Variants in PTPRD observed in about 807,000 individuals in gnomAD.
PTPRD encodes the protein protein tyrosine phosphatase receptor type D, also known as receptor-type tyrosine-protein phosphatase delta.
In PTPRD, 34 loss-of-function variants were observed where a neutral mutation model predicts 214.5. The observed-to-expected ratio is 0.16, with a 90% CI of 0.12 to 0.21. PTPRD has a LOEUF of 0.21. PTPRD is among the 10% of genes least tolerant of loss of function. PTPRD has a pLI of 1.00. For synonymous variants in PTPRD, 1,128 were observed against 845.7 expected, an observed-to-expected ratio of 1.33 and a Z score of -5.79; for missense variants, 2,545 against 2,398.7, an observed-to-expected ratio of 1.06 and a Z score of -1.27.
intron 7 of PTPRD, among the ~76,000 whole-genome samples, chr9:9,576,513 CA>C (rs953653702): frequency 6.6e-6 from 1 of 151,980 alleles, no homozygotes; most frequent in Non-Finnish European, 1.5e-5. Flanking sequence ...AGAATCCTCT[CA>C]AAAAAATCTA....
At chr9:10,610,691 T>A (rs1223180671) in intron 2 of PTPRD, among the ~76,000 whole-genome samples, 1 of 152,154 alleles carries the variant, frequency 6.6e-6, no homozygotes, top group East Asian at 1.9e-4. Context: ...AAAACTCATT[T>A]GGATAAGAAA....
intron 11 of PTPRD, among the ~76,000 whole-genome samples, chr9:8,748,235 G>C (rs1203151722): frequency 6.6e-6 from 1 of 152,162 alleles, no homozygotes; most frequent in Non-Finnish European, 1.5e-5. Context: ...GGCGGAATAA[G>C]AATCCCTAAG....
intron 4 of PTPRD, among the ~76,000 whole-genome samples, chr9:9,949,325 A>T (rs527970564): frequency 6.6e-6 from 1 of 152,138 alleles, no homozygotes; most frequent in Non-Finnish European, 1.5e-5. Context: ...CCTTTAAAAC[A>T]TTATAAGACT....
chr9:9,300,645 C>T (rs1468013886), intron 9 of PTPRD, among the ~76,000 whole-genome samples: 1 of 151,758 alleles, frequency 6.6e-6, no homozygotes, highest in African/African-American at 2.4e-5. Flanking sequence ...GCTCTCTCAC[C>T]TCTGTCTTCT....
At chr9:9,969,470 T>C (rs1360840148) in intron 4 of PTPRD, among the ~76,000 whole-genome samples, 1 of 152,214 alleles carries the variant, frequency 6.6e-6, no homozygotes, top group African/African-American at 2.4e-5. Flanking sequence ...ATCTCAGGTA[T>C]GCAGAAATGC....
chr9:9,556,393 G>A (rs1036522034), intron 8 of PTPRD, among the ~76,000 whole-genome samples: 3 of 152,006 alleles, frequency 2.0e-5, no homozygotes, highest in Non-Finnish European at 2.9e-5. Flanking sequence ...CACGTTTGGT[G>A]TAACATTTAT....
At chr9:8,512,950 G>A (rs1164202228) in intron 21 of PTPRD, among the ~76,000 whole-genome samples, 2 of 151,722 alleles carry the variant, frequency 1.3e-5, no homozygotes, top group Non-Finnish European at 2.9e-5. Flanking sequence ...CTATGCTTTT[G>A]GTACAATTAC....
intron 3 of PTPRD, among the ~76,000 whole-genome samples, chr9:10,298,371 T>A (rs1464660083): frequency 6.9e-6 from 1 of 145,256 alleles, no homozygotes; most frequent in Non-Finnish European, 1.5e-5. Context: ...TAGAGTTCCA[T>A]TGGTTCCAAT....
chr9:10,275,826 T>C (rs1051410851), intron 3 of PTPRD, among the ~76,000 whole-genome samples: 1 of 152,138 alleles, frequency 6.6e-6, no homozygotes, highest in Non-Finnish European at 1.5e-5. Flanking sequence ...GAAATACATT[T>C]GTGATGCCCC....
chr9:8,323,615 A>AT (rs76586346), intron 44 of PTPRD, among the ~76,000 whole-genome samples: 39,705 of 152,016 alleles, frequency 0.26, 6,797 homozygotes, highest in African/African-American at 0.46. Flanking sequence ...GAATAGCAAG[A>AT]TAACTAGAAC....
intron 11 of PTPRD, among the ~76,000 whole-genome samples, chr9:8,954,607 G>A (rs2099121527): frequency 1.3e-5 from 2 of 151,868 alleles, no homozygotes; most frequent in Non-Finnish European, 2.9e-5. Context: ...AGCCTGAGTA[G>A]TGGGCTTGGG....
intron 14 of PTPRD, among the ~76,000 whole-genome samples, chr9:8,578,915 T>C (rs908082136): frequency 2.6e-5 from 4 of 152,218 alleles, no homozygotes; most frequent in Non-Finnish European, 5.9e-5. Context: ...TTGTATTCTG[T>C]TCCTACTATT....
chr9:10,409,644 CA>C (rs2098414051), intron 2 of PTPRD, among the ~76,000 whole-genome samples: 1 of 151,796 alleles, frequency 6.6e-6, no homozygotes, highest in Admixed American at 6.6e-5. Flanking sequence ...AACATGACCA[CA>C]TCATACTTGA....
intron 12 of PTPRD, among the ~76,000 whole-genome samples, chr9:8,653,183 C>T (rs2096846250): frequency 6.6e-6 from 1 of 151,892 alleles, no homozygotes; most frequent in African/African-American, 2.4e-5. Flanking sequence ...GGGAAAAAGA[C>T]AAAAGAGAAA....
chr9:9,179,830 T>C (rs1452943652), intron 10 of PTPRD, among the ~76,000 whole-genome samples: 1 of 152,120 alleles, frequency 6.6e-6, no homozygotes, highest in African/African-American at 2.4e-5. Context: ...TGTAGCAAGA[T>C]ATTTCATTTC....
At chr9:8,929,856 T>A (rs1295497414) in intron 11 of PTPRD, among the ~76,000 whole-genome samples, 1 of 78,784 alleles carries the variant, frequency 1.3e-5, no homozygotes, top group East Asian at 1.6e-3. Flanking sequence ...TGTATATATA[T>A]GTGTATATAC....
chr9:9,430,348 T>A (rs201188041), intron 8 of PTPRD, among the ~76,000 whole-genome samples: 5,237 of 143,932 alleles, frequency 0.036, 129 homozygotes, highest in Middle Eastern at 0.12. Flanking sequence ...CTTACATGGG[T>A]TGTGAAGGAC....
At chr9:8,819,922 G>A (rs2097014424) in intron 11 of PTPRD, among the ~76,000 whole-genome samples, 2 of 152,046 alleles carry the variant, frequency 1.3e-5, no homozygotes, top group South Asian at 2.1e-4. Flanking sequence ...TGCTCAGGAA[G>A]CTAAGTATTA....
chr9:9,160,965 T>C (rs1033845461), intron 10 of PTPRD, among the ~76,000 whole-genome samples: 6 of 152,268 alleles, frequency 3.9e-5, no homozygotes, highest in South Asian at 4.1e-4. Flanking sequence ...ACGTTACTTA[T>C]ATGCAGAATC....
Sources: gnomAD v4.1 joint callset for allele counts (sites outside exome capture counted in the v4.1 genomes callset) on GRCh38, gnomAD v4.1.1 for gene constraint, MANE v1.5 for transcripts, NCBI Gene and HGNC (gene_info 2026-07-23, HGNC 2026-07-21) for gene names.